CACNA1C: variants seen among roughly 807,000 people sequenced by gnomAD.
CACNA1C encodes voltage-dependent L-type calcium channel subunit alpha-1C.
CACNA1C carries 30 observed loss-of-function variants against 229.0 expected under a neutral mutation model. That is an observed-to-expected ratio of 0.13 (90% CI 0.10 to 0.18). CACNA1C has a LOEUF of 0.18. Ranked by LOEUF, CACNA1C falls within the 10% of genes least tolerant of loss-of-function variation. CACNA1C has a pLI of 1.00. For synonymous variants in CACNA1C, 1,114 were observed against 1,132.5 expected (o/e 0.98, Z 0.33); for missense variants, 1,658 against 2,845.0 (o/e 0.58, Z 9.49).
At chr12:2,232,219 C>T (rs7965923) in intron 3 of CACNA1C, among the ~76,000 whole-genome samples, 127 of 121,060 alleles carry the variant, frequency 1.0e-3, no homozygotes, top group Middle Eastern at 5.4e-3. Flanking sequence ...AGTTCTCAGT[C>T]TTTCCTTGTT....
At position 2,053,690 on chromosome 12, in the gene CACNA1C, C is replaced by G; in HGVS notation, c.49+79C>G. The G allele has an allele frequency of 6.9e-7, 1 of 1,447,784 alleles. No individual in the cohort carries two copies. Among genetic ancestry groups the G allele is most frequent in the Non-Finnish European group, 9.1e-7 (1 of 1,094,462 alleles). 89.7% of individuals were successfully genotyped at this position (1,447,784 alleles called of 1,614,324 possible). A position where few individuals can be genotyped will look rare whatever the true frequency, so the allele number is the denominator to read the frequency against. On this transcript the variant is annotated intron_variant, in intron 1 of 46. Coordinates refer to ENST00000399655, the MANE Select transcript of CACNA1C (RefSeq NM_000719.7). The surrounding 1 kb of genome is among the most constrained non-coding windows in gnomAD (Gnocchi z 5.8). Reference sequence around the variant, plus strand: ...CCTGCCCTACCCGCGCTCCCCGCGGCCCCGGGGCCGGTCCCTGCGGAGTGG... The same window carrying G: ...CCTGCCCTACCCGCGCTCCCCGCGGGCCCGGGGCCGGTCCCTGCGGAGTGG...
At chr12:2,309,249 A>G (rs1002855253) in intron 3 of CACNA1C, among the ~76,000 whole-genome samples, 2 of 152,200 alleles carry the variant, frequency 1.3e-5, no homozygotes, top group Non-Finnish European at 2.9e-5. Context: ...CAGAGGGATA[A>G]ACACTGTGTG....
chr12:2,021,113 A>C (rs1033214570), intron 1 of CACNA1C, among the ~76,000 whole-genome samples: 3 of 152,216 alleles, frequency 2.0e-5, no homozygotes, highest in Non-Finnish European at 1.5e-5. Context: ...CACTCAGTAC[A>C]TTTCTTAATC....
chr12:2,373,226 T>G (rs1340412260), intron 3 of CACNA1C, among the ~76,000 whole-genome samples: 1 of 152,220 alleles, frequency 6.6e-6, no homozygotes, highest in Non-Finnish European at 1.5e-5. Flanking sequence ...TTATATTACT[T>G]ACTTGTCACC....
At position 2,486,277 on chromosome 12, in the gene CACNA1C, C is replaced by T. The variant is rs201265381; in HGVS notation, c.916+15C>T. 91 of 1,608,054 alleles carry T rather than the reference C, an allele frequency of 5.7e-5. No homozygotes were observed. In the African/African-American group the frequency reaches 9.6e-4, roughly 17 times the overall value. On this transcript the variant is annotated intron_variant, in intron 6 of 46. Transcript: ENST00000399655. The surrounding 1 kb of genome is among the most constrained non-coding windows in gnomAD (Gnocchi z 4.9). ...GGGCATAGCAGGTAAGAGGGGCAGG[C>T]GGCTGCGCTCCCAAGGCCCTGCCCT...
chr12:2,309,431 G>A (rs1240781710), intron 3 of CACNA1C, among the ~76,000 whole-genome samples: 2 of 151,916 alleles, frequency 1.3e-5, no homozygotes. Flanking sequence ...ATACTATGCT[G>A]TATATTTGAA....
chr12:2,569,378 T>C lies in CACNA1C; in HGVS notation c.1895+1584T>C, dbSNP rs545823616. 8.1e-4 allele frequency among the ~76,000 whole-genome samples: 124 copies of C among 152,356 alleles called. 1 individual carries two copies. The highest frequency in any genetic ancestry group is 2.9e-3 in the African/African-American group (121 of 41,580). Reference sequence around the variant, plus strand: ...TAACTTAATTGTTTTTTTATATTCATGGTTATGCAACCATCACCATGTTCT... The same window carrying C: ...TAACTTAATTGTTTTTTTATATTCACGGTTATGCAACCATCACCATGTTCT... On this transcript the variant is annotated intron_variant, in intron 13 of 46. Transcript: ENST00000399655.
intron 3 of CACNA1C, among the ~76,000 whole-genome samples, chr12:2,158,430 A>G (rs1377941001): frequency 6.6e-6 from 1 of 152,166 alleles, no homozygotes; most frequent in Non-Finnish European, 1.5e-5. Flanking sequence ...ACAAAAAATT[A>G]GCGAGGCTTG....
At chr12:2,402,046 C>G (rs2098686648) in intron 3 of CACNA1C, among the ~76,000 whole-genome samples, 1 of 152,248 alleles carries the variant, frequency 6.6e-6, no homozygotes, top group South Asian at 2.1e-4. Context: ...GTTCATGCCT[C>G]TTGGCAGAGA....
chr12:2,258,437 T>C (rs899625331), intron 3 of CACNA1C, among the ~76,000 whole-genome samples: 1 of 152,162 alleles, frequency 6.6e-6, no homozygotes, highest in African/African-American at 2.4e-5. Flanking sequence ...TTTTTTTAAA[T>C]GTGAAATTTT....
At chr12:2,450,940 T>A (rs1203256866) in intron 4 of CACNA1C, among the ~76,000 whole-genome samples, 2 of 152,210 alleles carry the variant, frequency 1.3e-5, no homozygotes, top group Non-Finnish European at 2.9e-5. Flanking sequence ...GTCGAGATCA[T>A]TTGCAAGTTA....
rs2097293906 is a variant in CACNA1C at position 2,354,363 on chromosome 12, A to G, written c.478-94613A>G. The stretch of plus-strand genomic sequence containing the variant: ...GGCGCCTCTAGGTCGCTCTGCAGCC[A>G]CCTGCTTGGAGTGGTGATAAGCCAA... On this transcript the variant is annotated intron_variant, in intron 3 of 46. Transcript: ENST00000399655. The surrounding 1 kb of genome is among the most constrained non-coding windows in gnomAD (Gnocchi z 4.6). 6.6e-6 allele frequency among the ~76,000 whole-genome samples: 1 copy of G among 152,088 alleles called. No homozygotes were observed. The highest frequency in any genetic ancestry group is 6.5e-5 in the Admixed American group (1 of 15,284).
At chr12:2,480,261 C>T (rs953003508) in intron 5 of CACNA1C, among the ~76,000 whole-genome samples, 11 of 152,154 alleles carry the variant, frequency 7.2e-5, no homozygotes, top group East Asian at 1.9e-4. Context: ...GCAGTCTGGA[C>T]CCCACAGCCC....
At chr12:2,667,647 G>A (rs1166280630) in intron 37 of CACNA1C, among the ~76,000 whole-genome samples, 2 of 152,198 alleles carry the variant, frequency 1.3e-5, no homozygotes, top group Admixed American at 6.5e-5. Context: ...AGGCAAGGGT[G>A]GGGAGGGGTG....
chr12:2,151,427 G>A, intron 3 of CACNA1C, among the ~76,000 whole-genome samples: 1 of 151,756 alleles, frequency 6.6e-6, no homozygotes, highest in East Asian at 1.9e-4. Context: ...CATTTTTATA[G>A]GTTTTTATAG....
At chr12:1,972,884 G>C (rs1792309266) in intron 1 of CACNA1C, among the ~76,000 whole-genome samples, 1 of 152,186 alleles carries the variant, frequency 6.6e-6, no homozygotes, top group Admixed American at 6.5e-5. Flanking sequence ...AGGGAATTAA[G>C]CTTTCTGGTA....
chr12:2,661,964 C>T (rs1333391684), intron 34 of CACNA1C, among the ~76,000 whole-genome samples: 2 of 152,128 alleles, frequency 1.3e-5, no homozygotes, highest in African/African-American at 2.4e-5. Context: ...CAGGAAAGGC[C>T]GGGCGCAGTG....
chr12:2,261,550 C>T (rs1282053453), intron 3 of CACNA1C, among the ~76,000 whole-genome samples: 1 of 152,170 alleles, frequency 6.6e-6, no homozygotes, highest in Non-Finnish European at 1.5e-5. Flanking sequence ...TCTCAGAGAT[C>T]CTGCTGGGGT....
chr12:2,555,261 C>T (rs1451446632), intron 10 of CACNA1C, among the ~76,000 whole-genome samples: 2 of 152,238 alleles, frequency 1.3e-5, no homozygotes, highest in Non-Finnish European at 1.5e-5. Context: ...GCACTTGTGA[C>T]CCGCTTGCAC....
Sources: gnomAD v4.1 joint callset for allele counts (sites outside exome capture counted in the v4.1 genomes callset) on GRCh38, gnomAD v4.1.1 for gene constraint, Gnocchi (gnomAD v3.1) non-coding constraint, MANE v1.5 for transcripts, NCBI Gene and HGNC (gene_info 2026-07-23, HGNC 2026-07-21) for gene names.